Variants in PLSCR2 observed in about 807,000 individuals in gnomAD.
PLSCR2 encodes the protein PL scramblase 2.
PLSCR2 carries 18 observed loss-of-function variants against 25.3 expected under a neutral mutation model. The ratio of observed to expected loss-of-function variants is 0.71; its 90% CI spans 0.49 to 1.06. PLSCR2 has a LOEUF of 1.06. Among genes scored for constraint, PLSCR2 ranks in the 50% least tolerant of loss-of-function variants. PLSCR2 has a pLI of 0.00. For missense variants in PLSCR2, 243 were observed against 269.5 expected, an observed-to-expected ratio of 0.90 and a Z score of 0.69; for synonymous variants, 88 against 87.3, an observed-to-expected ratio of 1.01 and a Z score of -0.04.
intron 2 of PLSCR2, among the ~76,000 whole-genome samples, chr3:146,412,710 G>T (rs1485316839): frequency 6.6e-6 from 1 of 152,196 alleles, no homozygotes. Flanking sequence ...CAAGGGAGGG[G>T]AAGAGGTTCT....
chr3:146,479,024 G>A (rs1001015497), intron 1 of PLSCR2, among the ~76,000 whole-genome samples: 2 of 152,012 alleles, frequency 1.3e-5, no homozygotes, highest in South Asian at 2.1e-4. Flanking sequence ...AAATAAAATC[G>A]TTTACAGACA....
upstream of PLSCR2, among the ~76,000 whole-genome samples, chr3:146,463,105 A>T (rs1337379066): frequency 1.3e-5 from 2 of 152,034 alleles, no homozygotes; most frequent in Admixed American, 6.5e-5. Context: ...TTATTTATTT[A>T]TTTTTTACCA....
chr3:146,434,334 T>C (rs1223882212), intron 8 of PLSCR2, among the ~76,000 whole-genome samples: 1 of 152,132 alleles, frequency 6.6e-6, no homozygotes, highest in Non-Finnish European at 1.5e-5. Context: ...ATTCCACTTT[T>C]CAAATCACTT....
At chr3:146,449,032 C>G (rs924212885) in intron 6 of PLSCR2, among the ~76,000 whole-genome samples, 174 bp downstream of exon 6, 1 of 152,060 alleles carries the variant, frequency 6.6e-6, no homozygotes, top group African/African-American at 2.4e-5. Flanking sequence ...AACTAACCAC[C>G]TATAAATCCA....
At chr3:146,482,393 A>G (rs2043161739) in intron 1 of PLSCR2, among the ~76,000 whole-genome samples, 2 of 152,150 alleles carry the variant, frequency 1.3e-5, no homozygotes, top group Admixed American at 6.5e-5. Context: ...AAAACAAACA[A>G]CCCCATCAAA....
chr3:146,415,498 A>G (rs1052178579), intron 2 of PLSCR2, among the ~76,000 whole-genome samples: 3 of 152,112 alleles, frequency 2.0e-5, no homozygotes, highest in Non-Finnish European at 4.4e-5. Flanking sequence ...GATAATATCT[A>G]TACTATCATT....
At chr3:146,460,443 GA>G (rs59446001), upstream of PLSCR2, among the ~76,000 whole-genome samples, 18,566 of 133,648 alleles carry the variant, frequency 0.14, 2,267 homozygotes, top group African/African-American at 0.35. Flanking sequence ...GATGAAATTG[GA>G]AAAAAAAAAA....
intron 6 of PLSCR2, among the ~76,000 whole-genome samples, chr3:146,448,290 T>G (rs1460613543): frequency 1.3e-5 from 2 of 152,246 alleles, no homozygotes; most frequent in African/African-American, 4.8e-5. Flanking sequence ...TTAATCTTTA[T>G]CCCATTATTT....
At chr3:146,495,519 A>C (rs2043714902) in intron 1 of PLSCR2, among the ~76,000 whole-genome samples, 1 of 152,128 alleles carries the variant, frequency 6.6e-6, no homozygotes, top group Non-Finnish European at 1.5e-5. Flanking sequence ...ACAAGGGAGG[A>C]GTTCTCAGAA....
chr3:146,435,733 T>G (rs1388942346), intron 8 of PLSCR2, among the ~76,000 whole-genome samples: 1 of 152,226 alleles, frequency 6.6e-6, no homozygotes, highest in African/African-American at 2.4e-5. Flanking sequence ...GCCTGTTCAC[T>G]CTGATGGTAG....
At chr3:146,469,516 C>G (rs1336862009) in intron 1 of PLSCR2, 2 of 985,294 alleles carry the variant, frequency 2.0e-6, no homozygotes, top group African/African-American at 3.5e-5. Context: ...GCTGCTCCCG[C>G]ACAGCCCTGA....
At chr3:146,435,506 A>T (rs2108163101) in intron 8 of PLSCR2, among the ~76,000 whole-genome samples, 1 of 152,262 alleles carries the variant, frequency 6.6e-6, no homozygotes, top group African/African-American at 2.4e-5. Context: ...TTTGATTTGC[A>T]TTTCTCTGAT....
intron 6 of PLSCR2, 50 bp from the exon 7 acceptor site, chr3:146,441,871 A>G: frequency 8.3e-7 from 1 of 1,209,416 alleles, no homozygotes; most frequent in Non-Finnish European, 1.2e-6. Flanking sequence ...CCAAACAGAG[A>G]TCAGATGCAG....
rs2043720654 is a variant in PLSCR2 at position 146,495,672 on chromosome 3, G to A, written c.-293+223C>T. ...AATCTGTTTAATTCTGGGCTTCCCA[G>A]CCTCTGGAAGTACAGAAACCAGTTT... On this transcript the variant is annotated intron_variant, in intron 1 of 8. Transcript: ENST00000336685. Among the ~76,000 whole-genome samples the A allele has an allele frequency of 2.6e-5, 4 of 152,284 alleles. No homozygotes were observed. In the South Asian group the frequency reaches 6.2e-4, roughly 24 times the overall value.
chr3:146,408,756 G>C (rs941353498), intron 2 of PLSCR2, among the ~76,000 whole-genome samples: 1 of 152,000 alleles, frequency 6.6e-6, no homozygotes, highest in Non-Finnish European at 1.5e-5. Context: ...GTGACTCATC[G>C]GGCCCTTGGA....
At chr3:146,415,107 A>C (rs2038968754) in intron 2 of PLSCR2, 1 of 152,668 alleles carries the variant, frequency 6.6e-6, no homozygotes, top group South Asian at 2.1e-4. Flanking sequence ...TTAATATATC[A>C]GTATGTTTGG....
intron 2 of PLSCR2, among the ~76,000 whole-genome samples, chr3:146,422,236 A>G (rs1348330871): frequency 6.6e-6 from 1 of 152,074 alleles, no homozygotes; most frequent in Non-Finnish European, 1.5e-5. Context: ...GAAAACAAAC[A>G]GGAATCTGCA....
At chr3:146,480,329 TAGACCACCAGCA>T (rs1361629269) in intron 1 of PLSCR2, among the ~76,000 whole-genome samples, 1 of 151,964 alleles carries the variant, frequency 6.6e-6, no homozygotes. Context: ...ACAAAACTGA[TAGACCACCAGCA>T]AGACTAATAA....
chr3:146,409,390 G>C (rs563382096), intron 2 of PLSCR2, among the ~76,000 whole-genome samples: 21 of 152,226 alleles, frequency 1.4e-4, no homozygotes, highest in African/African-American at 4.1e-4. Flanking sequence ...GGGGGAGCGA[G>C]CCGGCTGAGG....
Sources: gnomAD v4.1 joint callset for allele counts (sites outside exome capture counted in the v4.1 genomes callset) on GRCh38, gnomAD v4.1.1 for gene constraint, MANE v1.5 for transcripts, NCBI Gene and HGNC (gene_info 2026-07-23, HGNC 2026-07-21) for gene names.